The following ZNF277 variants were observed in gnomAD, a reference collection of about 807,000 sequenced individuals.
ZNF277 encodes the protein zinc finger protein 277.
A neutral mutation model predicts 60.7 loss-of-function variants in ZNF277; 55 were observed. That is an observed-to-expected ratio of 0.91 (90% CI 0.73 to 1.13). The LOEUF is 1.13. Ranked by LOEUF, ZNF277 falls within the 50% of genes most tolerant of loss-of-function variation. ZNF277 has a pLI of 0.00. For synonymous variants in ZNF277, 178 were observed against 179.3 expected (o/e 0.99, Z 0.06); for missense variants, 510 against 523.0 (o/e 0.98, Z 0.24).
At position 112,330,066 on chromosome 7, in the gene ZNF277, T is replaced by A; in HGVS notation, c.669-18T>A. The A allele has an allele frequency of 6.2e-7, 1 of 1,602,836 alleles. No individual in the cohort carries two copies. The highest frequency in any genetic ancestry group is 2.2e-5 in the East Asian group (1 of 44,688). On this transcript the variant is annotated intron_variant, in intron 6 of 11. Coordinates refer to ENST00000361822, the MANE Select transcript of ZNF277 (RefSeq NM_021994.3). ...TATACAAGAGACTTGTTTATCAGTGTTTGTGTATTTCTTGTAGTTTGCAGT... is the reference window on the plus strand; with the variant it reads ...TATACAAGAGACTTGTTTATCAGTGATTGTGTATTTCTTGTAGTTTGCAGT...
intron 6 of ZNF277, among the ~76,000 whole-genome samples, chr7:112,329,105 A>G (rs1442047613): frequency 6.6e-6 from 1 of 152,216 alleles, no homozygotes; most frequent in East Asian, 1.9e-4. Flanking sequence ...ATACTACAAA[A>G]GAATATTATT....
intron 1 of ZNF277, among the ~76,000 whole-genome samples, chr7:112,225,833 G>A (rs1822159893): frequency 6.6e-6 from 1 of 151,966 alleles, no homozygotes; most frequent in Admixed American, 6.6e-5. Context: ...ATGTTTTTAG[G>A]GACAGTATTC....
intron 1 of ZNF277, among the ~76,000 whole-genome samples, chr7:112,247,804 C>G (rs148266122): frequency 9.9e-4 from 151 of 151,898 alleles, no homozygotes; most frequent in Middle Eastern, 3.4e-3. Context: ...CCTGTCTCTA[C>G]TAAAAATACA....
chr7:112,207,300 G>T (rs1479542898), intron 1 of ZNF277, among the ~76,000 whole-genome samples: 1 of 152,158 alleles, frequency 6.6e-6, no homozygotes, highest in Non-Finnish European at 1.5e-5. Flanking sequence ...CCACTCTACA[G>T]ATTTGCCCAG....
chr7:112,262,247 CAAA>C (rs376386868), intron 1 of ZNF277, among the ~76,000 whole-genome samples: 2 of 77,664 alleles, frequency 2.6e-5, no homozygotes, highest in African/African-American at 4.3e-5. Flanking sequence ...AAAAGCAATA[CAAA>C]AAAAAAAAAA....
At chr7:112,215,411 G>GA (rs1821854126) in intron 1 of ZNF277, among the ~76,000 whole-genome samples, 1 of 152,154 alleles carries the variant, frequency 6.6e-6, no homozygotes, top group East Asian at 1.9e-4. Context: ...GGCATTTGGT[G>GA]GTGTTTGGCA....
rs138928317 is a variant in ZNF277, at chr7:112,336,117, C to T, written c.815C>T (p.Ser272Leu). 8.7e-6 allele frequency: 14 copies of T among 1,609,848 alleles called. No individual in the cohort carries two copies. The highest frequency in any genetic ancestry group is 8.0e-5 in the African/African-American group (6 of 74,670). Residue 272 changes from serine (S) to leucine (L), a missense_variant, in exon 8 of 12, where the codon TCG becomes TTG. Ser to Leu is a moderately radical substitution (Grantham distance 145). Transcript: ENST00000361822. Reference protein sequence around the residue: ...YVINYLELGKSWEEVQLEDDR... With the variant: ...YVINYLELGKLWEEVQLEDDR... ...CTTCCTACAAAGGAACTTGGAAAAT[C>T]GTGGGAAGAAGTTCAGTTGGAAGAT...
intron 7 of ZNF277, chr7:112,330,501 TC>T (rs1201333145): frequency 3.2e-6 from 1 of 312,890 alleles, no homozygotes; most frequent in Non-Finnish European, 5.7e-6. Context: ...CCACATACCA[TC>T]CCCCATTTAT....
intron 1 of ZNF277, among the ~76,000 whole-genome samples, chr7:112,225,166 A>C (rs895503679): frequency 6.6e-6 from 1 of 152,174 alleles, no homozygotes; most frequent in Non-Finnish European, 1.5e-5. Context: ...CCAGGTAGAG[A>C]TGAGGCCAAG....
At chr7:112,314,145 C>A (rs1219520384) in intron 4 of ZNF277, among the ~76,000 whole-genome samples, 1 of 152,078 alleles carries the variant, frequency 6.6e-6, no homozygotes, top group East Asian at 1.9e-4. Context: ...TAGAATGTTT[C>A]ACAGGCAATT....
At chr7:112,207,856 C>T (rs759067292) in intron 1 of ZNF277, among the ~76,000 whole-genome samples, 8 of 152,204 alleles carry the variant, frequency 5.3e-5, no homozygotes, top group Admixed American at 1.3e-4. Context: ...CACTTCCCAA[C>T]AGTGGAACTC....
At chr7:112,227,185 C>A (rs916572334) in intron 1 of ZNF277, among the ~76,000 whole-genome samples, 5 of 152,166 alleles carry the variant, frequency 3.3e-5, no homozygotes, top group Non-Finnish European at 4.4e-5. Flanking sequence ...ATTAGTTGAT[C>A]CTTGCGTGAA....
intron 2 of ZNF277, 75 bp from the exon 3 acceptor site, chr7:112,295,794 T>A: frequency 1.7e-6 from 2 of 1,182,238 alleles, no homozygotes; most frequent in Non-Finnish European, 2.5e-6. Context: ...GTGAATGTGC[T>A]TATAGATTCC....
chr7:112,217,034 T>G (rs1276871043), intron 1 of ZNF277, among the ~76,000 whole-genome samples: 2 of 152,232 alleles, frequency 1.3e-5, no homozygotes, highest in East Asian at 3.8e-4. Context: ...AAAATTTTAT[T>G]TAGCATCTGC....
At chr7:112,320,838 T>C (rs927669973) in intron 5 of ZNF277, among the ~76,000 whole-genome samples, 8 of 151,632 alleles carry the variant, frequency 5.3e-5, no homozygotes, top group Non-Finnish European at 1.2e-4. Context: ...GGTCTTCTCA[T>C]TATTCTCCTC....
At chr7:112,291,172 T>C (rs1039070790) in intron 2 of ZNF277, among the ~76,000 whole-genome samples, 4 of 152,188 alleles carry the variant, frequency 2.6e-5, no homozygotes, top group Admixed American at 6.5e-5. Flanking sequence ...CTTTATTCAG[T>C]AGATAAAATT....
chr7:112,238,460 T>G (rs530703310), intron 1 of ZNF277, among the ~76,000 whole-genome samples: 181 of 152,176 alleles, frequency 1.2e-3, no homozygotes, highest in African/African-American at 3.9e-3. Flanking sequence ...CCTAAAGAAA[T>G]CAGAAAGGCA....
intron 1 of ZNF277, among the ~76,000 whole-genome samples, chr7:112,231,547 C>T (rs1303967408): frequency 6.6e-6 from 1 of 151,882 alleles, no homozygotes; most frequent in Non-Finnish European, 1.5e-5. Flanking sequence ...TGAATGCCAT[C>T]TGGTCCAAAT....
chr7:112,296,899 TATTTATTTATTTA>T (rs1218036833), intron 4 of ZNF277, among the ~76,000 whole-genome samples: 1 of 58,734 alleles, frequency 1.7e-5, no homozygotes, highest in African/African-American at 1.0e-4. Context: ...TTTATTTATT[TATTTATTTATTTA>T]TTTTTTTTTT....
Sources: gnomAD v4.1 joint callset for allele counts (sites outside exome capture counted in the v4.1 genomes callset) on GRCh38, gnomAD v4.1.1 for gene constraint, MANE v1.5 for transcripts, NCBI Gene and HGNC (gene_info 2026-07-23, HGNC 2026-07-21) for gene names.